RGS12: variants seen among roughly 807,000 people sequenced by gnomAD.
RGS12 encodes the protein regulator of G-protein signaling 12.
In RGS12, 66 loss-of-function variants were observed where a neutral mutation model predicts 120.1. The ratio of observed to expected loss-of-function variants is 0.55; its 90% CI spans 0.45 to 0.67. The LOEUF is 0.67. Among genes scored for constraint, RGS12 ranks in the 30% least tolerant of loss-of-function variants. The probability of loss-of-function intolerance (pLI) is 0.00; values close to 1 mark genes in which losing one functional copy is unlikely to be tolerated. For synonymous variants in RGS12, 827 were observed against 804.7 expected (o/e 1.03, Z -0.47); for missense variants, 1,859 against 1,957.7 (o/e 0.95, Z 0.95).
intron 3 of RGS12, among the ~76,000 whole-genome samples, chr4:3,344,788 C>A (rs1232004918): frequency 2.6e-5 from 4 of 152,218 alleles, no homozygotes; most frequent in Non-Finnish European, 1.5e-5. Context: ...TTGCCCCACA[C>A]CTTAAACTTC....
chr4:3,372,868 C>A lies in RGS12; in HGVS notation c.1999-13548C>A, dbSNP rs1274251508. ...GGCTTCTCTCCCCTTCAGGCATTGA[C>A]GTTCTGTTTAATATTTTAAAAATCT... On this transcript the variant is annotated intron_variant, in intron 3 of 17. Coordinates refer to ENST00000336727, the MANE Select transcript of RGS12 (RefSeq NM_001394154.1). The surrounding 1 kb of genome is among the most constrained non-coding windows in gnomAD (Gnocchi z 4.3). Among the ~76,000 whole-genome samples the A allele has an allele frequency of 6.6e-6, 1 of 152,170 alleles. No homozygotes were observed. The highest frequency in any genetic ancestry group is 2.4e-5 in the African/African-American group (1 of 41,420).
chr4:3,357,368 G>C (rs1008555028), intron 3 of RGS12, among the ~76,000 whole-genome samples: 2 of 152,116 alleles, frequency 1.3e-5, no homozygotes, highest in Non-Finnish European at 2.9e-5. Context: ...GGTGTACAAA[G>C]TTCTTAAATT....
intron 4 of RGS12, among the ~76,000 whole-genome samples, chr4:3,393,889 A>G (rs1243137645): frequency 6.6e-6 from 1 of 152,184 alleles, no homozygotes; most frequent in Admixed American, 6.5e-5. Flanking sequence ...AAGCTGCCTC[A>G]CAACCCAGAA....
chr4:3,350,979 T>C (rs996271225), intron 3 of RGS12, among the ~76,000 whole-genome samples: 4 of 151,918 alleles, frequency 2.6e-5, no homozygotes, highest in Non-Finnish European at 5.9e-5. Flanking sequence ...GTTTATAAAA[T>C]ATAGTTGGAT....
intron 4 of RGS12, among the ~76,000 whole-genome samples, chr4:3,403,851 G>A (rs1033226931): frequency 5.0e-4 from 76 of 152,352 alleles, no homozygotes; most frequent in African/African-American, 1.8e-3. Flanking sequence ...GTTGATAACT[G>A]GGGAATGAAA....
In RGS12 at chr4:3,401,317, A is replaced by G. The variant is rs1720555903; in HGVS notation, c.2021-12755A>G. ...ATTTTTTCAAGGAAGAAAATATTTT[A>G]TGAATTATGCATTATAATGTCAGTT... On this transcript the variant is annotated intron_variant, in intron 4 of 17. Coordinates refer to ENST00000336727, the MANE Select transcript of RGS12 (RefSeq NM_001394154.1). Among the ~76,000 whole-genome samples the G allele has an allele frequency of 2.0e-5, 3 of 152,204 alleles. No individual in the cohort carries two copies. The South Asian group carries it at 6.2e-4, about 31-fold the overall frequency.
chr4:3,422,283 C>A, intron 10 of RGS12, 93 bp from the exon 11 acceptor site: 3 of 1,320,088 alleles, frequency 2.3e-6, no homozygotes, highest in Non-Finnish European at 3.1e-6. Context: ...CTCCCCAGCA[C>A]GTGCGGCCTG....
chr4:3,342,691 G>A, intron 2 of RGS12: 1 of 853,566 alleles, frequency 1.2e-6, no homozygotes, highest in African/African-American at 1.7e-5. Flanking sequence ...TGGAGGCTTT[G>A]TCAGAGGCAC....
In RGS12 at chr4:3,422,377, C is replaced by A; in HGVS notation, c.2840C>A (p.Ser947Ter). The change falls in exon 11 of 18, where the codon TCG becomes TAG. Residue 947 changes from serine (S) to a stop codon, truncating the protein, a stop_gained and splice_region_variant. Coordinates refer to ENST00000336727, the MANE Select transcript of RGS12 (RefSeq NM_001394154.1). LOFTEE classifies it high-confidence loss of function. ...SVSSAGSLDL[S>*]EACRTLAPEK... The stretch of plus-strand genomic sequence containing the variant: ...GCTGCTTGTCTCGCTGCTCCCCAGT[C>A]GGAGGCCTGCAGGACTTTGGCACCC... 2 of 1,609,766 alleles carry A rather than the reference C, an allele frequency of 1.2e-6. No homozygotes were observed. Among genetic ancestry groups the A allele is most frequent in the South Asian group, 2.2e-5 (2 of 90,646 alleles).
intron 3 of RGS12, among the ~76,000 whole-genome samples, chr4:3,353,100 A>G (rs769970737): frequency 3.3e-5 from 5 of 152,192 alleles, no homozygotes; most frequent in Non-Finnish European, 1.5e-5. Flanking sequence ...CTTCTTGCTC[A>G]TCTGCTCCAG....
chr4:3,330,312 T>C (rs1711693144), intron 2 of RGS12, among the ~76,000 whole-genome samples: 2 of 152,236 alleles, frequency 1.3e-5, no homozygotes, highest in Non-Finnish European at 2.9e-5. Flanking sequence ...AGGATTCTCC[T>C]GCTAGCAAAT....
rs1397782313 is a variant in RGS12 at position 3,430,722 on chromosome 4, C to T, written c.3881C>T (p.Ser1294Phe). 3 of 1,591,858 alleles carry T rather than the reference C, an allele frequency of 1.9e-6. No individual in the cohort carries two copies. The African/African-American group carries it at 4.0e-5, about 21-fold the overall frequency. ...PPGTTPPGQK[S>F]PSGPFCTPQS... ...GGGACGACCCCCCCCGGGCAGAAGT[C>T]TCCCAGCGGGCCCTTCTGCACTCCC... Residue 1294 changes from serine to phenylalanine, a missense_variant, in exon 17 of 18, where the codon TCT becomes TTT. Around this residue, in one of 3 missense-constraint regions of RGS12, gnomAD observed 517 missense variants for 488.5 expected, o/e 1.06. Coordinates refer to ENST00000336727, the MANE Select transcript of RGS12 (RefSeq NM_001394154.1).
At position 3,385,149 on chromosome 4, in the gene RGS12, G is replaced by A. The variant is rs138247510; in HGVS notation, c.1999-1267G>A. 7.9e-3 allele frequency: 1,198 copies of A among 152,370 alleles called. 2 individuals are homozygous for A. Among genetic ancestry groups the A allele is most frequent in the Non-Finnish European group, 0.014 (920 of 68,100 alleles). 9.4% of individuals were successfully genotyped at this position (152,370 alleles called of 1,614,324 possible). A position where few individuals can be genotyped will look rare whatever the true frequency, so the allele number is the denominator to read the frequency against. On this transcript the variant is annotated intron_variant, in intron 3 of 17. Coordinates refer to ENST00000336727, the MANE Select transcript of RGS12 (RefSeq NM_001394154.1). ...CGTGGGGGGGTCTTAAAGCCCCAGTGACCTCCACTTCTCGGGAGTGGCCAG... is the reference window on the plus strand; with the variant it reads ...CGTGGGGGGGTCTTAAAGCCCCAGTAACCTCCACTTCTCGGGAGTGGCCAG...
intron 3 of RGS12, among the ~76,000 whole-genome samples, chr4:3,354,551 T>C (rs1470477629): frequency 6.6e-6 from 1 of 152,244 alleles, no homozygotes; most frequent in African/African-American, 2.4e-5. Context: ...TATTCAAGCC[T>C]GTCCTGCAGA....
chr4:3,287,496 G>A, the RGS12 span, among the ~76,000 whole-genome samples: 1 of 152,364 alleles, frequency 6.6e-6, no homozygotes, highest in South Asian at 2.1e-4. Flanking sequence ...CGCCACACAC[G>A]TGGCCAAGCC....
In RGS12 at chr4:3,433,705, A is replaced by T. The variant is rs1358001901; in HGVS notation, c.4114+2750A>T. ...TGCTCCACCACGCCCTTCTAGCCTC[A>T]GCGTCATGCACCGCACCGCCCCATG... On this transcript the variant is annotated intron_variant, in intron 17 of 17. Coordinates refer to ENST00000336727, the MANE Select transcript of RGS12 (RefSeq NM_001394154.1). The surrounding 1 kb of genome is among the most constrained non-coding windows in gnomAD (Gnocchi z 4.4). Among the ~76,000 whole-genome samples the T allele has an allele frequency of 6.7e-6, 1 of 149,930 alleles. No homozygotes were observed. The highest frequency in any genetic ancestry group is 1.5e-5 in the Non-Finnish European group (1 of 67,646).
intron 16 of RGS12, 26 bp from the exon 17 acceptor site, chr4:3,430,381 G>C: frequency 2.5e-6 from 4 of 1,583,332 alleles, no homozygotes; most frequent in East Asian, 2.2e-5. Flanking sequence ...TCTAAAACAC[G>C]GTCACTCTGG....
intron 3 of RGS12, among the ~76,000 whole-genome samples, chr4:3,346,545 A>G (rs1408523999): frequency 2.6e-5 from 4 of 152,148 alleles, no homozygotes; most frequent in African/African-American, 9.7e-5. Context: ...GTCCCTTAAC[A>G]TTTAGTTTCA....
At chr4:3,383,863 T>A (rs1428460962) in intron 3 of RGS12, among the ~76,000 whole-genome samples, 4 of 152,138 alleles carry the variant, frequency 2.6e-5, no homozygotes. Flanking sequence ...ACCTTCTCCT[T>A]CAGTCTGTTT....
Sources: gnomAD v4.1 joint callset for allele counts (sites outside exome capture counted in the v4.1 genomes callset) on GRCh38, gnomAD v4.1.1 for gene constraint, gnomAD v4.1.1 regional missense constraint, Gnocchi (gnomAD v3.1) non-coding constraint, MANE v1.5 for transcripts, NCBI Gene and HGNC (gene_info 2026-07-23, HGNC 2026-07-21) for gene names.